HTRA3: variants seen among roughly 807,000 people sequenced by gnomAD.
HTRA3 encodes the protein HtrA serine peptidase 3.
HTRA3 carries 41 observed loss-of-function variants against 43.2 expected under a neutral mutation model. The ratio of observed to expected loss-of-function variants is 0.95; its 90% CI spans 0.74 to 1.23. HTRA3 has a LOEUF of 1.23. HTRA3 is among the 50% of genes most tolerant of loss of function. HTRA3 has a pLI of 0.00. For synonymous variants in HTRA3, 295 were observed against 287.9 expected, an observed-to-expected ratio of 1.02 and a Z score of -0.25; for missense variants, 628 against 647.1, an observed-to-expected ratio of 0.97 and a Z score of 0.32.
In HTRA3 at chr4:8,279,648, T is replaced by A. The variant is rs534010316; in HGVS notation, c.386-2789T>A. Among the ~76,000 whole-genome samples the A allele has an allele frequency of 2.0e-5, 3 of 152,182 alleles. No homozygotes were observed. The highest frequency in any genetic ancestry group is 4.4e-5 in the Non-Finnish European group (3 of 68,028). ...GAAGGCAGCCTTTTCTAATCACCTGTGGGAGGAGAGGTGCTGCCATTCCTC... is the reference window on the plus strand; with the variant it reads ...GAAGGCAGCCTTTTCTAATCACCTGAGGGAGGAGAGGTGCTGCCATTCCTC... On this transcript the variant is annotated intron_variant, in intron 1 of 8. Coordinates refer to ENST00000307358, the MANE Select transcript of HTRA3 (RefSeq NM_053044.5). The surrounding 1 kb of genome is among the most constrained non-coding windows in gnomAD (Gnocchi z 7.4).
intron 5 of HTRA3, among the ~76,000 whole-genome samples, chr4:8,293,688 C>A (rs771939420): frequency 3.3e-5 from 5 of 152,092 alleles, no homozygotes; most frequent in African/African-American, 4.8e-5. Flanking sequence ...GCCAGCCCCC[C>A]ACTTCTGGAA....
chr4:8,288,926 C>CTTCCTTCCTTCCTTCT (rs1713110492), intron 3 of HTRA3, among the ~76,000 whole-genome samples: 1 of 147,488 alleles, frequency 6.8e-6, no homozygotes, highest in African/African-American at 2.5e-5. Flanking sequence ...TCCTTCCTTC[C>CTTCCTTCCTTCCTTCT]TTCCTTCCTC....
Position 8,286,825 on chromosome 4 carries a change from G to A in HTRA3, c.708+42G>A. On this transcript the variant is annotated intron_variant, in intron 3 of 8. Transcript: ENST00000307358. This position sits in a 1 kb window ranked among gnomAD's most constrained non-coding sequence, Gnocchi z 4.9. ...GGAGGGGCGGAAGCACCTGGGGCTG[G>A]GCATGGTGGCCTCTTCCCAGACGCC... is the stretch of plus-strand genomic sequence containing the variant. 1 of 1,472,632 alleles carries A rather than the reference G, an allele frequency of 6.8e-7. No homozygotes were observed. Among genetic ancestry groups the A allele is most frequent in the Non-Finnish European group, 9.4e-7 (1 of 1,065,832 alleles). 91.2% of individuals were successfully genotyped at this position (1,472,632 alleles called of 1,614,324 possible). A position where few individuals can be genotyped will look rare whatever the true frequency, so the allele number is the denominator to read the frequency against.
chr4:8,294,638 A>G (rs1178207391), intron 6 of HTRA3, among the ~76,000 whole-genome samples: 25 of 722 alleles, frequency 0.035, no homozygotes, highest in African/African-American at 0.13. Flanking sequence ...CCATCCATCC[A>G]TCCATCCATC....
intron 1 of HTRA3, among the ~76,000 whole-genome samples, chr4:8,272,424 C>A (rs1166409393): frequency 6.6e-6 from 1 of 152,200 alleles, no homozygotes; most frequent in Non-Finnish European, 1.5e-5. Context: ...GGGCTGAGGC[C>A]TCAGTGCTCC....
chr4:8,301,970 A>G (rs1051775327), intron 6 of HTRA3, among the ~76,000 whole-genome samples: 1 of 152,184 alleles, frequency 6.6e-6, no homozygotes, highest in African/African-American at 2.4e-5. Flanking sequence ...TGGAGACACT[A>G]TCTCAGTGAG....
Position 8,280,035 on chromosome 4 carries a change from A to G in HTRA3, c.386-2402A>G, listed in dbSNP as rs539727957. 2.2e-3 allele frequency among the ~76,000 whole-genome samples: 331 copies of G among 152,218 alleles called. 3 individuals carry two copies. The highest frequency in any genetic ancestry group is 1.0e-3 in the South Asian group (5 of 4,822). On this transcript the variant is annotated intron_variant, in intron 1 of 8. Transcript: ENST00000307358. ...GGGCTGCTGCGGGGCTGCCTGGAGG[A>G]GGCAGGATTAGGGCCGGGCCCAGGA...
At position 8,286,703 on chromosome 4, in the gene HTRA3, C is replaced by T. The variant is rs752028132; in HGVS notation, c.628C>T (p.Gln210Ter). Residue 210 changes from glutamine to a stop codon, truncating the protein, a stop_gained, in exon 3 of 9, where the codon CAG becomes TAG. Coordinates refer to ENST00000307358, the MANE Select transcript of HTRA3 (RefSeq NM_053044.5). LOFTEE classifies it high-confidence loss of function. The surrounding 1 kb of genome is among the most constrained non-coding windows in gnomAD (Gnocchi z 4.9). ...CAGGCAGCAGCTCAAGGTGCAGCTACAGAATGGGGACTCCTATGAGGCCAC... is the reference window on the plus strand; with the variant it reads ...CAGGCAGCAGCTCAAGGTGCAGCTATAGAATGGGGACTCCTATGAGGCCAC... Reference protein sequence around the residue: ...PGRQQLKVQLQNGDSYEATIK... With the variant: ...PGRQQLKVQL 9 of 1,614,192 alleles carry T rather than the reference C, an allele frequency of 5.6e-6. No homozygotes were observed. In the East Asian group the frequency reaches 1.6e-4, roughly 28 times the overall value.
Position 8,302,499 on chromosome 4 carries a change from C to T in HTRA3, c.1088C>T (p.Thr363Met), listed in dbSNP as rs377229386. The change falls in exon 7 of 9, where the codon ACG becomes ATG. Residue 363 changes from threonine (T) to methionine (M), a missense_variant. By Grantham distance (81) the Thr-to-Met change is moderately conservative (BLOSUM62 -1). Transcript: ENST00000307358. ...CGCTTCATCGGCATACGGATGCGGA[C>T]GATCACACCAAGGTGAGTGTCTGAA... ...KKRFIGIRMR[T>M]ITPSLVDELK... 381 of 1,614,018 alleles carry T rather than the reference C, an allele frequency of 2.4e-4. 7 individuals are homozygous for T. In the South Asian group the frequency reaches 3.7e-3, roughly 16 times the overall value.
chr4:8,276,666 C>T (rs186879873), intron 1 of HTRA3, among the ~76,000 whole-genome samples: 203 of 152,346 alleles, frequency 1.3e-3, no homozygotes, highest in Non-Finnish European at 2.1e-3. Context: ...GCGGCAGCAC[C>T]TCCTCCTCCT....
chr4:8,302,528 T>G lies in HTRA3; in HGVS notation c.1100+17T>G. 3.7e-6 allele frequency: 6 copies of G among 1,611,842 alleles called. No individual in the cohort carries two copies. The highest frequency in any genetic ancestry group is 5.1e-6 in the Non-Finnish European group (6 of 1,178,392). Reference sequence around the variant, plus strand: ...CACACCAAGGTGAGTGTCTGAAGAGTGCCATCCCCTGCTACCCCTTCCTCT... The same window carrying G: ...CACACCAAGGTGAGTGTCTGAAGAGGGCCATCCCCTGCTACCCCTTCCTCT... On this transcript the variant is annotated intron_variant, in intron 7 of 8. Coordinates refer to ENST00000307358, the MANE Select transcript of HTRA3 (RefSeq NM_053044.5).
chr4:8,300,437 T>C lies in HTRA3; in HGVS notation c.1052-2026T>C, dbSNP rs75603487. On this transcript the variant is annotated intron_variant, in intron 6 of 8. Transcript: ENST00000307358. ...AATAGATGTAGTGCTATTTGCGTTA[T>C]TTCTTCTTGAATGAGATTTGGTGGT... Among the ~76,000 whole-genome samples the C allele has an allele frequency of 6.2e-4, 95 of 152,366 alleles. No homozygotes were observed. The East Asian group carries it at 0.017, about 27-fold the overall frequency.
intron 7 of HTRA3, 56 bp from the exon 8 acceptor site, chr4:8,304,128 A>G (rs914053930): frequency 6.8e-7 from 1 of 1,467,652 alleles, no homozygotes; most frequent in African/African-American, 1.4e-5. Context: ...GCAGCTTCAT[A>G]CCAAAGAGCT....
intron 3 of HTRA3, among the ~76,000 whole-genome samples, chr4:8,289,485 G>A (rs1713139915): frequency 6.6e-6 from 1 of 152,222 alleles, no homozygotes. Flanking sequence ...GCGAGACTAG[G>A]GGCAGGTCTG....
chr4:8,301,679 A>G (rs1425368091), intron 6 of HTRA3, among the ~76,000 whole-genome samples: 2 of 152,160 alleles, frequency 1.3e-5, no homozygotes, highest in Non-Finnish European at 2.9e-5. Flanking sequence ...TAGTACTATT[A>G]ATTTCCCTCT....
chr4:8,291,634 C>T, intron 4 of HTRA3, 70 bp downstream of exon 4: 2 of 1,197,308 alleles, frequency 1.7e-6, no homozygotes, highest in Non-Finnish European at 2.3e-6. Flanking sequence ...GAGGTGGTCT[C>T]TGACTCGGCT....
At position 8,306,535 on chromosome 4, in the gene HTRA3, C is replaced by A. The variant is rs563477351; in HGVS notation, c.*399C>A. The A allele has an allele frequency of 1.2e-3, 210 of 174,002 alleles. No homozygotes were observed. Among genetic ancestry groups the A allele is most frequent in the African/African-American group, 4.8e-3 (202 of 41,946 alleles). 10.8% of individuals were successfully genotyped at this position (174,002 alleles called of 1,614,324 possible). A position where few individuals can be genotyped will look rare whatever the true frequency, so the allele number is the denominator to read the frequency against. On this transcript the variant is annotated 3_prime_UTR_variant, in exon 9 of 9. Transcript: ENST00000307358. The surrounding 1 kb of genome is among the most constrained non-coding windows in gnomAD (Gnocchi z 8.9). ...GTCTGGGCTGCCAAGCTTCTTCCCC[C>A]CTGACAAACGCCCACCTGACCTGAG...
At chr4:8,273,822 C>T (rs559037195) in intron 1 of HTRA3, among the ~76,000 whole-genome samples, 2 of 152,010 alleles carry the variant, frequency 1.3e-5, no homozygotes, top group Admixed American at 1.3e-4. Context: ...TGTGGGGGTA[C>T]CTTTCCTGGG....
Position 8,279,703 on chromosome 4 carries a change from C to T in HTRA3, c.386-2734C>T, listed in dbSNP as rs1044358969. On this transcript the variant is annotated intron_variant, in intron 1 of 8. Transcript: ENST00000307358. This position sits in a 1 kb window ranked among gnomAD's most constrained non-coding sequence, Gnocchi z 7.4. Reference sequence around the variant, plus strand: ...TGCTGTGTTCACACTGGGCCCAGGTCCCTGTGTGCCGTGGCTGCCTGCACA... The same window carrying T: ...TGCTGTGTTCACACTGGGCCCAGGTTCCTGTGTGCCGTGGCTGCCTGCACA... 2.6e-5 allele frequency among the ~76,000 whole-genome samples: 4 copies of T among 152,174 alleles called. No homozygotes were observed. Among genetic ancestry groups the T allele is most frequent in the African/African-American group, 7.2e-5 (3 of 41,450 alleles).
Sources: gnomAD v4.1 joint callset for allele counts (sites outside exome capture counted in the v4.1 genomes callset) on GRCh38, gnomAD v4.1.1 for gene constraint, Gnocchi (gnomAD v3.1) non-coding constraint, MANE v1.5 for transcripts, NCBI Gene and HGNC (gene_info 2026-07-23, HGNC 2026-07-21) for gene names.